Variants in CTNNA2 observed in about 807,000 individuals in gnomAD.
The protein encoded by CTNNA2 is catenin alpha-2.
CTNNA2 carries 42 observed loss-of-function variants against 101.0 expected under a neutral mutation model. The observed-to-expected ratio is 0.42, with a 90% CI of 0.32 to 0.54. CTNNA2 has a LOEUF of 0.54. Ranked by LOEUF, CTNNA2 falls within the 20% of genes least tolerant of loss-of-function variation. CTNNA2 has a pLI of 0.14. For synonymous variants in CTNNA2, 450 were observed against 456.4 expected, an observed-to-expected ratio of 0.99 and a Z score of 0.18; for missense variants, 871 against 1,223.1, an observed-to-expected ratio of 0.71 and a Z score of 4.29.
intron 12 of CTNNA2, among the ~76,000 whole-genome samples, chr2:80,561,094 T>G (rs568823986): frequency 1.3e-5 from 2 of 152,116 alleles, no homozygotes; most frequent in African/African-American, 4.8e-5. Flanking sequence ...TGGAATAGAG[T>G]TTTATGATTG....
chr2:79,426,638 G>A (rs1417154713), intron 4 of CTNNA2, among the ~76,000 whole-genome samples: 1 of 152,102 alleles, frequency 6.6e-6, no homozygotes, highest in East Asian at 1.9e-4. Flanking sequence ...GCATTATCAG[G>A]CTTGATGCCA....
At chr2:80,099,160 T>A (rs1229652418) in intron 7 of CTNNA2, among the ~76,000 whole-genome samples, 1 of 151,966 alleles carries the variant, frequency 6.6e-6, no homozygotes, top group Non-Finnish European at 1.5e-5. Flanking sequence ...CCCCCCGAAT[T>A]GTTTCAATTC....
chr2:79,775,218 A>G (rs998715264), intron 3 of CTNNA2, among the ~76,000 whole-genome samples: 2 of 152,226 alleles, frequency 1.3e-5, no homozygotes, highest in South Asian at 4.1e-4. Context: ...TCTATTTTAA[A>G]AATTCTGCAG....
At chr2:80,191,397 G>C (rs1008512838) in intron 7 of CTNNA2, among the ~76,000 whole-genome samples, 1 of 152,102 alleles carries the variant, frequency 6.6e-6, no homozygotes, top group Non-Finnish European at 1.5e-5. Flanking sequence ...TTCAGTACTT[G>C]CTGTGTGCCA....
intron 18 of CTNNA2, among the ~76,000 whole-genome samples, chr2:80,623,666 A>T (rs1472825424): frequency 6.6e-6 from 1 of 151,882 alleles, no homozygotes; most frequent in Non-Finnish European, 1.5e-5. Context: ...AAAATGCACG[A>T]TCCTGGGCCA....
chr2:79,371,146 G>A (rs1364045968), intron 3 of CTNNA2, among the ~76,000 whole-genome samples: 1 of 151,746 alleles, frequency 6.6e-6, no homozygotes, highest in East Asian at 1.9e-4. Flanking sequence ...TGGGGAAGAG[G>A]GGAGGGGTCT....
At chr2:80,506,611 G>A (rs544990249) in intron 9 of CTNNA2, among the ~76,000 whole-genome samples, 1 of 152,286 alleles carries the variant, frequency 6.6e-6, no homozygotes, top group South Asian at 2.1e-4. Context: ...AGATAGAACT[G>A]CTTTTCAGGT....
chr2:79,545,414 G>A (rs1035913755), intron 1 of CTNNA2, among the ~76,000 whole-genome samples: 3 of 152,116 alleles, frequency 2.0e-5, no homozygotes, highest in African/African-American at 2.4e-5. Context: ...GCCCACATCC[G>A]TGATATGGAG....
chr2:79,253,336 G>A (rs1369101130), intron 2 of CTNNA2, among the ~76,000 whole-genome samples: 1 of 152,196 alleles, frequency 6.6e-6, no homozygotes, highest in East Asian at 1.9e-4. Flanking sequence ...AAACACACAG[G>A]ATTTTTATGT....
At chr2:80,382,259 G>C (rs772500608) in intron 7 of CTNNA2, among the ~76,000 whole-genome samples, 2 of 152,060 alleles carry the variant, frequency 1.3e-5, no homozygotes, top group African/African-American at 2.4e-5. Flanking sequence ...AATTTGCTTA[G>C]CACCGATTCT....
chr2:80,166,762 G>A (rs1189333978), intron 7 of CTNNA2, among the ~76,000 whole-genome samples: 1 of 152,104 alleles, frequency 6.6e-6, no homozygotes, highest in Non-Finnish European at 1.5e-5. Flanking sequence ...TTACTTGTGG[G>A]ATTTGTATTA....
At chr2:80,494,245 G>C (rs947018433) in intron 9 of CTNNA2, among the ~76,000 whole-genome samples, 5 of 152,188 alleles carry the variant, frequency 3.3e-5, no homozygotes, top group African/African-American at 7.2e-5. Context: ...AATTTTTACA[G>C]AGAGTTGAAC....
chr2:80,545,643 A>T (rs202185624), intron 10 of CTNNA2, among the ~76,000 whole-genome samples: 1 of 152,214 alleles, frequency 6.6e-6, no homozygotes, highest in Admixed American at 6.5e-5. Flanking sequence ...TTTCTGCTGT[A>T]TCTGTGCTAA....
chr2:80,588,116 A>G (rs184533149), intron 14 of CTNNA2, among the ~76,000 whole-genome samples: 1 of 152,272 alleles, frequency 6.6e-6, no homozygotes, highest in African/African-American at 2.4e-5. Flanking sequence ...TTCTGTTTAG[A>G]CACTTTATAT....
At chr2:79,667,081 G>C (rs2104561056) in intron 2 of CTNNA2, among the ~76,000 whole-genome samples, 1 of 152,250 alleles carries the variant, frequency 6.6e-6, no homozygotes, top group African/African-American at 2.4e-5. Flanking sequence ...AAACCCTAAA[G>C]CTGGGTTCTT....
rs541021664 is a variant in CTNNA2, at chr2:80,214,708, A to G, written c.1057-178503A>G. Among the ~76,000 whole-genome samples the G allele has an allele frequency of 4.8e-3, 728 of 151,948 alleles. 5 individuals are homozygous for G. Among genetic ancestry groups the G allele is most frequent in the Admixed American group, 7.4e-3 (113 of 15,256 alleles). On this transcript the variant is annotated intron_variant, in intron 7 of 18. Coordinates refer to ENST00000402739, the MANE Select transcript of CTNNA2 (RefSeq NM_001282597.3). ...CCTTAATATTTTTTCCTTCATTTCAACTTTGGTGAATCTGACAATTATGTG... is the reference window on the plus strand; with the variant it reads ...CCTTAATATTTTTTCCTTCATTTCAGCTTTGGTGAATCTGACAATTATGTG...
intron 2 of CTNNA2, among the ~76,000 whole-genome samples, chr2:79,688,081 G>A (rs1380762741): frequency 6.6e-6 from 1 of 152,100 alleles, no homozygotes; most frequent in Non-Finnish European, 1.5e-5. Context: ...TGCTACCTGT[G>A]TGAACAAACT....
Position 79,874,312 on chromosome 2 carries a change from C to A in CTNNA2, c.822C>A (p.Gly274=), listed in dbSNP as rs772578256. The change falls in exon 6 of 19, where the codon GGC becomes GGA. Residue 274 remains glycine (G), a synonymous_variant. Coordinates refer to ENST00000402739, the MANE Select transcript of CTNNA2 (RefSeq NM_001282597.3). ...TDEAKGHTGI[G]ELAAALNEFD... is the part of the protein sequence containing the mutation. ...AAGCCAAGGGCCACACGGGCATCGG[C>A]GAGCTGGCTGCGGCTCTTAATGAGT... The A allele has an allele frequency of 1.2e-6, 2 of 1,613,634 alleles. No individual in the cohort carries two copies. Among genetic ancestry groups the A allele is most frequent in the African/African-American group, 1.3e-5 (1 of 74,736 alleles).
chr2:79,337,586 C>A (rs1677022254), intron 3 of CTNNA2, among the ~76,000 whole-genome samples: 1 of 152,238 alleles, frequency 6.6e-6, no homozygotes, highest in East Asian at 1.9e-4. Flanking sequence ...AGAAGACTTC[C>A]TTCTACCATT....
Sources: gnomAD v4.1 joint callset for allele counts (sites outside exome capture counted in the v4.1 genomes callset) on GRCh38, gnomAD v4.1.1 for gene constraint, MANE v1.5 for transcripts, NCBI Gene and HGNC (gene_info 2026-07-23, HGNC 2026-07-21) for gene names.